PXK: variants seen among roughly 807,000 people sequenced by gnomAD.
PXK encodes the protein PX domain containing serine/threonine kinase like, also known as PX domain-containing protein kinase-like protein.
Under a neutral mutation model 84.7 loss-of-function variants are expected in PXK, and 35 were observed. The observed-to-expected ratio is 0.41, with a 90% confidence interval of 0.32 to 0.55. PXK has a LOEUF of 0.55. Ranked by LOEUF, PXK falls within the 20% of genes least tolerant of loss-of-function variation. PXK has a pLI of 0.21. For synonymous variants in PXK, 253 were observed against 260.8 expected, an observed-to-expected ratio of 0.97 and a Z score of 0.29; for missense variants, 634 against 699.7, an observed-to-expected ratio of 0.91 and a Z score of 1.06.
In PXK at chr3:58,421,865, C is replaced by T. The variant is rs1560157648; in HGVS notation, c.1529-2887C>T. The T allele has an allele frequency of 1.0e-6, 1 of 985,412 alleles. No individual in the cohort carries two copies. Among genetic ancestry groups the T allele is most frequent in the Non-Finnish European group, 1.2e-6 (1 of 829,938 alleles). The allele number at this position is 985,412 out of a possible 1,614,324, so 61.0% of individuals were successfully genotyped here. On this transcript the variant is annotated intron_variant, in intron 17 of 17. Coordinates refer to ENST00000356151, the MANE Select transcript of PXK (RefSeq NM_017771.5). This position sits in a 1 kb window ranked among gnomAD's most constrained non-coding sequence, Gnocchi z 5.5. ...GTCGTAACTGAAGGTAAGCTGTTTGCAGCATCCCCCTTCCTGGGTGCAAAT... is the reference window on the plus strand; with the variant it reads ...GTCGTAACTGAAGGTAAGCTGTTTGTAGCATCCCCCTTCCTGGGTGCAAAT...
At position 58,332,916 on chromosome 3, in the gene PXK, G is replaced by C. The variant is rs1043748234; in HGVS notation, c.-73G>C. On this transcript the variant is annotated 5_prime_UTR_variant, in exon 1 of 18. Transcript: ENST00000356151. This position sits in a 1 kb window ranked among gnomAD's most constrained non-coding sequence, Gnocchi z 5.6. ...TGTTGACAGCGGCGGCGGTGGAACC[G>C]GGCGGGCGGCGGGAGTCGGCGCCTC... 3.3e-5 allele frequency: 33 copies of C among 992,788 alleles called. No homozygotes were observed. The highest frequency in any genetic ancestry group is 1.6e-4 in the African/African-American group (9 of 57,556). 61.5% of individuals were successfully genotyped at this position (992,788 alleles called of 1,614,324 possible).
rs2098443503 is a variant in PXK, at chr3:58,376,450, C to G, written c.202-6064C>G. ...AAATAAATAAAATTAATTAATTAGC[C>G]TATGGTAAAATTAGTCTTGTTATTC... On this transcript the variant is annotated intron_variant, in intron 3 of 17. Transcript: ENST00000356151. 2.6e-5 allele frequency among the ~76,000 whole-genome samples: 4 copies of G among 151,784 alleles called. No homozygotes were observed. The South Asian group carries it at 8.3e-4, about 32-fold the overall frequency.
At chr3:58,392,042 A>G (rs1319978406) in intron 7 of PXK, among the ~76,000 whole-genome samples, 195 bp downstream of exon 7, 1 of 152,242 alleles carries the variant, frequency 6.6e-6, no homozygotes, top group Non-Finnish European at 1.5e-5. Context: ...TGCACAACCC[A>G]TGAAACATAG....
Position 58,333,188 on chromosome 3 carries a change from G to C in PXK, c.102+98G>C, listed in dbSNP as rs2097526328. ...GCGGGCCGGGCAGGGTCGTCGGACG[G>C]AGACCGGGCCACAGGGTGGGCGGCC... On this transcript the variant is annotated intron_variant, in intron 1 of 17. Transcript: ENST00000356151. The surrounding 1 kb of genome is among the most constrained non-coding windows in gnomAD (Gnocchi z 5.4). 1 of 708,290 alleles carries C rather than the reference G, an allele frequency of 1.4e-6. No homozygotes were observed. The highest frequency in any genetic ancestry group is 1.9e-5 in the African/African-American group (1 of 51,402). 43.9% of individuals were successfully genotyped at this position (708,290 alleles called of 1,614,324 possible).
Position 58,380,330 on chromosome 3 carries a change from G to A in PXK, c.202-2184G>A, listed in dbSNP as rs190327735. ...CACCTGTAGTCCCAGCTACTTGTGAGGCTGGGGTGACAGGATCTCTTGAGC... is the reference window on the plus strand; with the variant it reads ...CACCTGTAGTCCCAGCTACTTGTGAAGCTGGGGTGACAGGATCTCTTGAGC... On this transcript the variant is annotated intron_variant, in intron 3 of 17. Coordinates refer to ENST00000356151, the MANE Select transcript of PXK (RefSeq NM_017771.5). Among the ~76,000 whole-genome samples the A allele has an allele frequency of 1.5e-4, 23 of 152,062 alleles. No individual in the cohort carries two copies. In the East Asian group the frequency reaches 3.9e-3, roughly 26 times the overall value.
At chr3:58,413,579 T>A (rs556960155) in intron 17 of PXK, 3 of 152,306 alleles carry the variant, frequency 2.0e-5, no homozygotes, top group Admixed American at 6.5e-5. Flanking sequence ...ATAAAAATAA[T>A]CCCCAATTTT....
chr3:58,391,127 C>A lies in PXK; in HGVS notation c.467-20C>A. ...TGCAAAAATTGTGCAGCTCTAAGCA[C>A]ATTTTTGCTTTTATGGCAGGTTGGA... On this transcript the variant is annotated intron_variant, in intron 5 of 17. Transcript: ENST00000356151. The A allele has an allele frequency of 6.3e-7, 1 of 1,589,504 alleles. No individual in the cohort carries two copies. The highest frequency in any genetic ancestry group is 8.6e-7 in the Non-Finnish European group (1 of 1,158,304).
chr3:58,368,470 TCG>T (rs2098312116), intron 2 of PXK, among the ~76,000 whole-genome samples: 1 of 152,042 alleles, frequency 6.6e-6, no homozygotes, highest in Non-Finnish European at 1.5e-5. Context: ...CTACAGGTGC[TCG>T]CCACCATGCC....
Position 58,385,462 on chromosome 3 carries a change from G to A in PXK, c.388+2762G>A, listed in dbSNP as rs769711573. 9.2e-5 allele frequency among the ~76,000 whole-genome samples: 14 copies of A among 152,238 alleles called. No homozygotes were observed. The highest frequency in any genetic ancestry group is 1.9e-4 in the East Asian group (1 of 5,178). The stretch of plus-strand genomic sequence containing the variant: ...ATGGCCCACGGAACATACCCTGCAC[G>A]CCTCTCACCTTGTGGCACTTCTCTA... On this transcript the variant is annotated intron_variant, in intron 4 of 17. Coordinates refer to ENST00000356151, the MANE Select transcript of PXK (RefSeq NM_017771.5). This position sits in a 1 kb window ranked among gnomAD's most constrained non-coding sequence, Gnocchi z 5.1.
rs1560158071 is a variant in PXK at position 58,421,955 on chromosome 3, T to A, written c.1529-2797T>A. On this transcript the variant is annotated intron_variant, in intron 17 of 17. Transcript: ENST00000356151. The surrounding 1 kb of genome is among the most constrained non-coding windows in gnomAD (Gnocchi z 5.5). ...ATATGTGGCCTGGAGATAAGGGTAT[T>A]GGAGGTCTCTTGGCAGGAAGGCCTC... The A allele has an allele frequency of 5.1e-6, 5 of 985,382 alleles. No homozygotes were observed. The highest frequency in any genetic ancestry group is 4.8e-6 in the Non-Finnish European group (4 of 829,930). 61.0% of individuals were successfully genotyped at this position (985,382 alleles called of 1,614,324 possible). A position where few individuals can be genotyped will look rare whatever the true frequency, so the allele number is the denominator to read the frequency against.
At chr3:58,388,553 G>A (rs764339034) in intron 4 of PXK, among the ~76,000 whole-genome samples, 8 of 152,198 alleles carry the variant, frequency 5.3e-5, no homozygotes, top group Non-Finnish European at 7.3e-5. Context: ...AAAGTTCCCA[G>A]TGTTGATAAT....
chr3:58,352,507 T>C (rs1161302710), intron 1 of PXK, among the ~76,000 whole-genome samples: 6 of 152,242 alleles, frequency 3.9e-5, no homozygotes, highest in African/African-American at 1.4e-4. Flanking sequence ...GTGAGGATTA[T>C]TGAACAAGTG....
chr3:58,354,266 T>C (rs1187006138), intron 1 of PXK, among the ~76,000 whole-genome samples: 1 of 152,114 alleles, frequency 6.6e-6, no homozygotes, highest in East Asian at 1.9e-4. Context: ...GAGGGATTTC[T>C]AGAGGCTCAG....
chr3:58,360,018 C>T (rs1240752669), intron 1 of PXK, among the ~76,000 whole-genome samples: 2 of 151,918 alleles, frequency 1.3e-5, no homozygotes, highest in Non-Finnish European at 2.9e-5. Flanking sequence ...GTTGGTGGAG[C>T]GCACCTGTAG....
chr3:58,374,623 G>A (rs570138313), intron 3 of PXK, among the ~76,000 whole-genome samples: 205 of 152,298 alleles, frequency 1.3e-3, no homozygotes, highest in Non-Finnish European at 2.6e-3. Context: ...AGATGATGAG[G>A]CATCCTGGCT....
At chr3:58,368,866 T>C (rs2098321570) in intron 2 of PXK, among the ~76,000 whole-genome samples, 1 of 152,230 alleles carries the variant, frequency 6.6e-6, no homozygotes, top group Non-Finnish European at 1.5e-5. Flanking sequence ...ATGGCATTAA[T>C]ACAACTGAGA....
chr3:58,341,504 G>A (rs1327177043), intron 1 of PXK, among the ~76,000 whole-genome samples: 1 of 152,178 alleles, frequency 6.6e-6, no homozygotes, highest in Non-Finnish European at 1.5e-5. Flanking sequence ...GGTGGTTGCA[G>A]TGAGCCAAGA....
chr3:58,333,096 C>A lies in PXK; in HGVS notation c.102+6C>A. ...AGAGCCTGCAGTCCCACACGGTGCG[C>A]GGCCCAGCGGGCGGGCGGGCGGCGT... On this transcript the variant is annotated splice_donor_region_variant and intron_variant, in intron 1 of 17. Coordinates refer to ENST00000356151, the MANE Select transcript of PXK (RefSeq NM_017771.5). The surrounding 1 kb of genome is among the most constrained non-coding windows in gnomAD (Gnocchi z 5.4). The A allele has an allele frequency of 8.5e-7, 1 of 1,175,746 alleles. No homozygotes were observed. 72.8% of individuals were successfully genotyped at this position (1,175,746 alleles called of 1,614,324 possible). A position where few individuals can be genotyped will look rare whatever the true frequency, so the allele number is the denominator to read the frequency against.
chr3:58,424,823 G>A lies in PXK; in HGVS notation c.1600G>A (p.Glu534Lys), dbSNP rs145174157. The A allele has an allele frequency of 1.2e-4, 187 of 1,614,144 alleles. No individual in the cohort carries two copies. In the African/African-American group the frequency reaches 1.7e-3, roughly 15 times the overall value. Reference protein sequence around the residue: ...PAAPLPPASTEAPAQLSSQAV... With the variant: ...PAAPLPPASTKAPAQLSSQAV... The stretch of plus-strand genomic sequence containing the variant: ...AGCTCCCTTGCCTCCTGCGAGCACC[G>A]AGGCACCTGCCCAGCTCTCGTCTCA... The change falls in exon 18 of 18, where the codon GAG becomes AAG. Residue 534 changes from glutamate (E) to lysine (K), a missense_variant. By Grantham distance (56) the Glu-to-Lys change is moderately conservative (BLOSUM62 1). Coordinates refer to ENST00000356151, the MANE Select transcript of PXK (RefSeq NM_017771.5).
Sources: allele counts gnomAD v4.1 joint callset (sites outside exome capture counted in the v4.1 genomes callset), GRCh38; gene constraint gnomAD v4.1.1; non-coding constraint Gnocchi (gnomAD v3.1); transcripts MANE v1.5; gene names NCBI Gene and HGNC (gene_info 2026-07-23, HGNC 2026-07-21).